Variants in SYT14 observed in about 807,000 individuals in gnomAD.
SYT14 encodes the protein synaptotagmin 14.
Under a neutral mutation model 74.2 loss-of-function variants are expected in SYT14, and 32 were observed. The observed-to-expected ratio is 0.43, with a 90% CI of 0.33 to 0.58. The LOEUF is 0.58. SYT14 is among the 20% of genes least tolerant of loss of function. The pLI, the probability that SYT14 is intolerant of heterozygous loss-of-function variation, is 0.05. For synonymous variants in SYT14, 298 were observed against 337.7 expected (o/e 0.88, Z 1.29); for missense variants, 791 against 981.8 (o/e 0.81, Z 2.60).
At chr1:209,957,486 G>T (rs139752093) in intron 2 of SYT14, among the ~76,000 whole-genome samples, 18,114 of 152,028 alleles carry the variant, frequency 0.12, 1,448 homozygotes, top group South Asian at 0.21. Context: ...GAGTGCAATG[G>T]CGTGATCTCG....
At chr1:210,040,698 G>A (rs1036439307) in intron 5 of SYT14, among the ~76,000 whole-genome samples, 1 of 152,078 alleles carries the variant, frequency 6.6e-6, no homozygotes, top group Non-Finnish European at 1.5e-5. Context: ...TTTATGGTAT[G>A]CATCTTCCAG....
chr1:210,043,751 A>G (rs75720994), intron 5 of SYT14, among the ~76,000 whole-genome samples: 7 of 152,300 alleles, frequency 4.6e-5, no homozygotes, highest in Admixed American at 6.5e-5. Context: ...CACATAGGAT[A>G]TGAAGTTGGA....
At chr1:210,093,531 A>C (rs775675862) in intron 5 of SYT14, among the ~76,000 whole-genome samples, 3 of 152,148 alleles carry the variant, frequency 2.0e-5, no homozygotes, top group Non-Finnish European at 2.9e-5. Flanking sequence ...CACCGAGGTA[A>C]ATCATTGAGG....
intron 5 of SYT14, among the ~76,000 whole-genome samples, chr1:210,040,528 G>A (rs2080766461): frequency 6.6e-6 from 1 of 150,586 alleles, no homozygotes; most frequent in East Asian, 2.0e-4. Context: ...AAAAAAAAAA[G>A]AAACCAAAGT....
At chr1:210,063,423 T>C (rs1387941716) in intron 5 of SYT14, among the ~76,000 whole-genome samples, 1 of 151,870 alleles carries the variant, frequency 6.6e-6, no homozygotes, top group South Asian at 2.1e-4. Flanking sequence ...AATTAATTTC[T>C]CTATGACAGT....
intron 2 of SYT14, among the ~76,000 whole-genome samples, chr1:209,977,573 C>G (rs1000502170): frequency 3.0e-4 from 46 of 152,308 alleles, no homozygotes; most frequent in African/African-American, 1.1e-3. Flanking sequence ...GCCGAGAGAT[C>G]AGCTGTTAGT....
At chr1:210,159,906 G>C (rs2083339558) in intron 9 of SYT14, among the ~76,000 whole-genome samples, 1 of 152,086 alleles carries the variant, frequency 6.6e-6, no homozygotes, top group African/African-American at 2.4e-5. Context: ...ATCAGGCAAT[G>C]AACTGTTATG....
chr1:209,941,327 T>G (rs1030609652), intron 1 of SYT14, among the ~76,000 whole-genome samples: 7 of 152,196 alleles, frequency 4.6e-5, no homozygotes, highest in African/African-American at 1.7e-4. Flanking sequence ...TAGGCTATAT[T>G]AGGCAAAGTT....
intron 2 of SYT14, among the ~76,000 whole-genome samples, chr1:209,997,511 GA>G (rs1276734988): frequency 6.6e-6 from 1 of 152,058 alleles, no homozygotes; most frequent in African/African-American, 2.4e-5. Flanking sequence ...TGAATTGGAA[GA>G]ATTAATATCG....
chr1:210,075,312 T>A (rs2081474294), intron 5 of SYT14, among the ~76,000 whole-genome samples: 1 of 151,628 alleles, frequency 6.6e-6, no homozygotes, highest in Non-Finnish European at 1.5e-5. Flanking sequence ...TAGCCACTTG[T>A]GTGCCTGCCT....
At chr1:210,076,667 C>G (rs185013352) in intron 5 of SYT14, among the ~76,000 whole-genome samples, 2 of 151,472 alleles carry the variant, frequency 1.3e-5, no homozygotes, top group Admixed American at 1.3e-4. Flanking sequence ...GAGGCCTCAG[C>G]AAACTTAGAA....
At chr1:209,969,125 T>C (rs2079203858) in intron 2 of SYT14, among the ~76,000 whole-genome samples, 1 of 152,186 alleles carries the variant, frequency 6.6e-6, no homozygotes, top group African/African-American at 2.4e-5. Flanking sequence ...TATGGACACA[T>C]TTTCTTTATT....
chr1:210,013,570 T>C, intron 2 of SYT14, 63 bp from the exon 3 acceptor site: 2 of 1,473,872 alleles, frequency 1.4e-6, no homozygotes, highest in South Asian at 1.2e-5. Flanking sequence ...GTTTGGGGTT[T>C]CCTTCTTATT....
chr1:210,060,033 T>C (rs912431275), intron 5 of SYT14, among the ~76,000 whole-genome samples: 2 of 152,196 alleles, frequency 1.3e-5, no homozygotes, highest in African/African-American at 2.4e-5. Context: ...TAGTCTAGCA[T>C]TGGTCCTTGC....
chr1:209,976,287 T>C (rs1432402547), intron 2 of SYT14, among the ~76,000 whole-genome samples: 1 of 146,480 alleles, frequency 6.8e-6, no homozygotes, highest in East Asian at 2.0e-4. Context: ...TTCTTTTAAT[T>C]GTGATGTTAG....
chr1:210,108,205 G>T (rs2082194305), intron 7 of SYT14, among the ~76,000 whole-genome samples: 1 of 152,200 alleles, frequency 6.6e-6, no homozygotes, highest in Non-Finnish European at 1.5e-5. Context: ...GAGAGTACAT[G>T]ATTGTCTTGG....
chr1:210,127,430 T>C (rs921246921), intron 7 of SYT14, among the ~76,000 whole-genome samples: 7 of 152,136 alleles, frequency 4.6e-5, no homozygotes, highest in African/African-American at 1.7e-4. Context: ...TAGATTCCAT[T>C]GGCTAGGATT....
chr1:210,130,024 C>T (rs1223060892), intron 7 of SYT14, among the ~76,000 whole-genome samples: 1 of 152,186 alleles, frequency 6.6e-6, no homozygotes, highest in Non-Finnish European at 1.5e-5. Context: ...AGCCCCAGGA[C>T]TGCAATGAGT....
At chr1:210,015,259 C>A (rs2080160044) in intron 3 of SYT14, among the ~76,000 whole-genome samples, 1 of 152,090 alleles carries the variant, frequency 6.6e-6, no homozygotes, top group Admixed American at 6.5e-5. Context: ...CTCCAGTGTT[C>A]ACTTGTGAGC....
Sources: allele counts gnomAD v4.1 joint callset (sites outside exome capture counted in the v4.1 genomes callset), GRCh38; gene constraint gnomAD v4.1.1; transcripts MANE v1.5; gene names NCBI Gene and HGNC (gene_info 2026-07-23, HGNC 2026-07-21).